EPHA6: variants seen among roughly 807,000 people sequenced by gnomAD.
EPHA6 encodes ephrin type-A receptor 6.
A neutral mutation model predicts 112.0 loss-of-function variants in EPHA6; 50 were observed. That is an observed-to-expected ratio of 0.45 (90% CI 0.36 to 0.56). The LOEUF (loss-of-function observed/expected upper bound fraction) is 0.56. Ranked by LOEUF, EPHA6 falls within the 20% of genes least tolerant of loss-of-function variation. The pLI is 0.00. For missense variants in EPHA6, 1,280 were observed against 1,417.4 expected, an observed-to-expected ratio of 0.90 and a Z score of 1.56; for synonymous variants, 529 against 490.7, an observed-to-expected ratio of 1.08 and a Z score of -1.03.
intron 3 of EPHA6, among the ~76,000 whole-genome samples, chr3:97,139,372 A>G (rs143058231): frequency 3.3e-5 from 5 of 152,246 alleles, no homozygotes; most frequent in African/African-American, 1.2e-4. Flanking sequence ...TCTTACTCAC[A>G]AGTACCACCT....
chr3:97,178,553 G>A (rs1028121777), intron 3 of EPHA6, among the ~76,000 whole-genome samples: 40 of 152,034 alleles, frequency 2.6e-4, no homozygotes, highest in Admixed American at 1.6e-3. Flanking sequence ...GATTAAATCC[G>A]TCAGCTTTTG....
At chr3:97,567,913 G>A (rs1440711701) in intron 11 of EPHA6, among the ~76,000 whole-genome samples, 1 of 152,204 alleles carries the variant, frequency 6.6e-6, no homozygotes. Flanking sequence ...TCATGGCAGA[G>A]CAGTGAACAG....
intron 1 of EPHA6, among the ~76,000 whole-genome samples, chr3:96,855,214 A>G (rs2035622670): frequency 6.6e-6 from 1 of 152,124 alleles, no homozygotes; most frequent in South Asian, 2.1e-4. Context: ...CATAAATAAT[A>G]TAAAATATCC....
intron 3 of EPHA6, among the ~76,000 whole-genome samples, chr3:97,069,041 C>G (rs1576428688): frequency 1.3e-5 from 2 of 152,174 alleles, no homozygotes; most frequent in Admixed American, 1.3e-4. Flanking sequence ...TATAATTGAC[C>G]CTTGAACGAC....
intron 2 of EPHA6, among the ~76,000 whole-genome samples, chr3:96,908,544 CTT>C (rs2039053906): frequency 6.6e-6 from 1 of 151,752 alleles, no homozygotes; most frequent in Non-Finnish European, 1.5e-5. Context: ...GTAGGGTAAA[CTT>C]ATATGTTTTC....
intron 14 of EPHA6, among the ~76,000 whole-genome samples, chr3:97,712,810 A>G (rs930808032): frequency 1.3e-5 from 2 of 152,234 alleles, no homozygotes; most frequent in Non-Finnish European, 2.9e-5. Flanking sequence ...ACAAAAAATT[A>G]GCATTCACTG....
At chr3:97,510,073 A>G (rs1307454283) in intron 10 of EPHA6, among the ~76,000 whole-genome samples, 1 of 152,170 alleles carries the variant, frequency 6.6e-6, no homozygotes, top group Non-Finnish European at 1.5e-5. Flanking sequence ...TGATTATTCT[A>G]GTTAGCAATT....
At chr3:97,490,109 A>T (rs2091801799) in intron 10 of EPHA6, among the ~76,000 whole-genome samples, 2 of 149,288 alleles carry the variant, frequency 1.3e-5, no homozygotes, top group South Asian at 4.1e-4. Context: ...AAACTAATTT[A>T]AAAAAATAAT....
At chr3:97,005,541 ATAAAAT>A (rs1209991980) in intron 3 of EPHA6, among the ~76,000 whole-genome samples, 1 of 152,172 alleles carries the variant, frequency 6.6e-6, no homozygotes, top group Non-Finnish European at 1.5e-5. Flanking sequence ...TTTTCTAAAT[ATAAAAT>A]CATGTCGTCT....
intron 3 of EPHA6, among the ~76,000 whole-genome samples, chr3:97,185,320 A>G (rs1042164691): frequency 6.6e-6 from 1 of 152,162 alleles, no homozygotes; most frequent in Non-Finnish European, 1.5e-5. Context: ...TACTCGTCTG[A>G]CAAAGGGCTA....
At chr3:97,385,845 T>A (rs906478204) in intron 5 of EPHA6, among the ~76,000 whole-genome samples, 1 of 152,142 alleles carries the variant, frequency 6.6e-6, no homozygotes, top group Admixed American at 6.6e-5. Context: ...TAAACAAAAG[T>A]GTTAAACAAC....
At chr3:96,951,352 A>G (rs531456250) in intron 2 of EPHA6, among the ~76,000 whole-genome samples, 18 of 152,234 alleles carry the variant, frequency 1.2e-4, no homozygotes, top group Middle Eastern at 3.4e-3. Context: ...TTATTTAATC[A>G]ATCAGTAGCA....
At chr3:97,514,092 C>T (rs998959196) in intron 10 of EPHA6, among the ~76,000 whole-genome samples, 1 of 152,154 alleles carries the variant, frequency 6.6e-6, no homozygotes, top group Admixed American at 6.6e-5. Flanking sequence ...AAAAAACACA[C>T]AGTTTATTAT....
At chr3:97,718,231 T>A (rs2034339475) in intron 14 of EPHA6, among the ~76,000 whole-genome samples, 1 of 151,328 alleles carries the variant, frequency 6.6e-6, no homozygotes, top group Admixed American at 6.6e-5. Context: ...AAACATACAA[T>A]AAAACAAGAA....
intron 10 of EPHA6, among the ~76,000 whole-genome samples, chr3:97,485,956 T>TA (rs2091689590): frequency 6.6e-6 from 1 of 152,214 alleles, no homozygotes; most frequent in African/African-American, 2.4e-5. Context: ...AATCATAATG[T>TA]TGAGAGATAA....
chr3:96,920,638 G>A (rs1351623889), intron 2 of EPHA6, among the ~76,000 whole-genome samples: 1 of 151,638 alleles, frequency 6.6e-6, no homozygotes, highest in Non-Finnish European at 1.5e-5. Flanking sequence ...AAACCTGTAA[G>A]GATTGTGTGT....
At chr3:97,199,737 G>GAAAA (rs1486309576) in intron 3 of EPHA6, among the ~76,000 whole-genome samples, 2 of 151,938 alleles carry the variant, frequency 1.3e-5, no homozygotes, top group Non-Finnish European at 2.9e-5. Flanking sequence ...TCTCCTTCCA[G>GAAAA]AAAAAACAAA....
chr3:97,748,742 A>G lies in EPHA6; in HGVS notation c.*41A>G, dbSNP rs1222756830. 1 of 1,005,068 alleles carries G rather than the reference A, an allele frequency of 9.9e-7. No individual in the cohort carries two copies. Among genetic ancestry groups the G allele is most frequent in the South Asian group, 1.3e-5 (1 of 75,570 alleles). The allele number at this position is 1,005,068 out of a possible 1,614,324, so 62.3% of individuals were successfully genotyped here. A position where few individuals can be genotyped will look rare whatever the true frequency, so the allele number is the denominator to read the frequency against. ...CTGTGTTTTGTGCCTCAGCATTTCT[A>G]AAATGAACGATATCCTCTCTACTAC... On this transcript the variant is annotated 3_prime_UTR_variant, in exon 18 of 18. Transcript: ENST00000389672.
chr3:96,939,844 C>G (rs1289789820), intron 2 of EPHA6, among the ~76,000 whole-genome samples: 1 of 152,052 alleles, frequency 6.6e-6, no homozygotes, highest in East Asian at 1.9e-4. Flanking sequence ...TTATTTCTGC[C>G]TTCATTTTGT....
Sources: allele counts gnomAD v4.1 joint callset (sites outside exome capture counted in the v4.1 genomes callset), GRCh38; gene constraint gnomAD v4.1.1; transcripts MANE v1.5; gene names NCBI Gene and HGNC (gene_info 2026-07-23, HGNC 2026-07-21).